The following ARHGAP6 variants were observed in gnomAD, a reference collection of about 807,000 sequenced individuals.
The protein encoded by ARHGAP6 is Rho GTPase activating protein 6.
A neutral mutation model predicts 55.7 loss-of-function variants in ARHGAP6; 16 were observed. That is an observed-to-expected ratio of 0.29 (90% CI 0.19 to 0.44). The LOEUF (loss-of-function observed/expected upper bound fraction) is 0.44. ARHGAP6 is among the 20% of genes least tolerant of loss of function. ARHGAP6 has a pLI of 1.00. For synonymous variants in ARHGAP6, 382 were observed against 360.9 expected (o/e 1.06, Z -0.66); for missense variants, 698 against 808.9 (o/e 0.86, Z 1.66).
At chrX:11,412,765 T>C (rs1417060781) in intron 1 of ARHGAP6, among the ~76,000 whole-genome samples, 2 of 112,393 alleles carry the variant, frequency 1.8e-5, no homozygotes, top group Non-Finnish European at 3.8e-5. Context: ...TATGCATATA[T>C]CATAGTTCTC....
intron 1 of ARHGAP6, among the ~76,000 whole-genome samples, chrX:11,437,585 T>C (rs1242839363): frequency 9.0e-6 from 1 of 111,438 alleles, no homozygotes; most frequent in Non-Finnish European, 1.9e-5. Flanking sequence ...CAAGTAAGGG[T>C]GTGATTTCTA....
At chrX:11,546,671 C>T (rs1408323334) in intron 1 of ARHGAP6, among the ~76,000 whole-genome samples, 2 of 111,943 alleles carry the variant, frequency 1.8e-5, no homozygotes, top group Admixed American at 1.9e-4. Flanking sequence ...AGCTTTCAAA[C>T]TCCTCTAACA....
chrX:11,177,370 CGG>C (rs149420907), intron 8 of ARHGAP6, among the ~76,000 whole-genome samples: 628 of 44,267 alleles, frequency 0.014, 4 homozygotes, highest in African/African-American at 0.037. Context: ...ATTTGGTGGG[CGG>C]GGGGGGGGCA....
chrX:11,168,527 G>A (rs1239780178), intron 9 of ARHGAP6, among the ~76,000 whole-genome samples: 5 of 111,986 alleles, frequency 4.5e-5, no homozygotes, highest in Admixed American at 3.8e-4. Flanking sequence ...AAAGTAATTA[G>A]TATAAGACAA....
chrX:11,244,853 G>C (rs2047332175), intron 2 of ARHGAP6, among the ~76,000 whole-genome samples: 2 of 112,089 alleles, frequency 1.8e-5, no homozygotes, highest in Admixed American at 1.9e-4. Flanking sequence ...GACCAGTTGA[G>C]ACAAGACCTT....
intron 1 of ARHGAP6, among the ~76,000 whole-genome samples, chrX:11,525,609 T>C (rs1201053179): frequency 2.7e-5 from 3 of 112,088 alleles, no homozygotes; most frequent in African/African-American, 9.7e-5. Context: ...AGTGAATACA[T>C]TGTTCTGCTT....
intron 1 of ARHGAP6, chrX:11,335,673 TG>T: frequency 3.3e-6 from 1 of 301,348 alleles, no homozygotes. Context: ...AAATTTTTTA[TG>T]GTAATCTAAC....
intron 2 of ARHGAP6, among the ~76,000 whole-genome samples, chrX:11,214,309 A>G (rs944162310): frequency 5.4e-5 from 6 of 110,990 alleles, no homozygotes; most frequent in African/African-American, 3.3e-5. Context: ...ATACATATAT[A>G]TATTTTTACC....
intron 1 of ARHGAP6, among the ~76,000 whole-genome samples, chrX:11,505,353 A>G (rs936485258): frequency 4.5e-5 from 5 of 111,584 alleles, no homozygotes; most frequent in African/African-American, 1.6e-4. Flanking sequence ...ATGAGATACC[A>G]TCGCACATCA....
chrX:11,538,515 CTCTTT>C (rs1317184443), intron 1 of ARHGAP6, among the ~76,000 whole-genome samples: 8 of 111,501 alleles, frequency 7.2e-5, no homozygotes, highest in African/African-American at 2.0e-4. Context: ...CCCAGAATGG[CTCTTT>C]TCTTTATGCA....
chrX:11,638,967 A>T (rs1255771713), intron 1 of ARHGAP6, among the ~76,000 whole-genome samples: 1 of 111,261 alleles, frequency 9.0e-6, no homozygotes, highest in Admixed American at 9.6e-5. Context: ...TTTATAATTT[A>T]GCTAATCTGA....
chrX:11,658,477 G>A (rs1249912597), intron 1 of ARHGAP6, among the ~76,000 whole-genome samples: 1 of 110,424 alleles, frequency 9.1e-6, no homozygotes, highest in Admixed American at 9.7e-5. Context: ...ATTTCTTTTT[G>A]AAGCTGTCTT....
chrX:11,660,352 G>A (rs749875000), intron 1 of ARHGAP6, among the ~76,000 whole-genome samples: 1 of 108,114 alleles, frequency 9.2e-6, no homozygotes, highest in African/African-American at 3.4e-5. Flanking sequence ...CTTGAGGCCA[G>A]GAGTTCAAGA....
In ARHGAP6 at chrX:11,651,181, T is replaced by C. The variant is rs780711096; in HGVS notation, c.588+13060A>G. Among the ~76,000 whole-genome samples, 7 of 111,732 alleles carry C rather than the reference T, an allele frequency of 6.3e-5. No homozygotes were observed. In the East Asian group the frequency reaches 2.0e-3, roughly 31 times the overall value. On this transcript the variant is annotated intron_variant, in intron 1 of 12. Coordinates refer to ENST00000337414, the MANE Select transcript of ARHGAP6 (RefSeq NM_013427.3). ...GTTTGGGGTACATGTGCAAGTTTGT[T>C]ACATGGGTAAACTTGTGTCACGGGG...
intron 1 of ARHGAP6, among the ~76,000 whole-genome samples, chrX:11,595,422 A>G (rs5935120): frequency 0.012 from 1,354 of 111,915 alleles, 19 homozygotes; most frequent in Middle Eastern, 0.059. Context: ...TACAAAAACC[A>G]ACTCAAGATG....
At chrX:11,440,605 G>A (rs929742473) in intron 1 of ARHGAP6, among the ~76,000 whole-genome samples, 1 of 111,763 alleles carries the variant, frequency 8.9e-6, no homozygotes, top group Non-Finnish European at 1.9e-5. Context: ...CCTCCAATAG[G>A]AGCTTTGCTA....
intron 1 of ARHGAP6, among the ~76,000 whole-genome samples, chrX:11,377,273 C>T (rs1245207815): frequency 8.9e-6 from 1 of 112,226 alleles, no homozygotes; most frequent in Admixed American, 9.4e-5. Context: ...AACACAGAAA[C>T]GTGATGCTAA....
intron 8 of ARHGAP6, among the ~76,000 whole-genome samples, chrX:11,174,592 T>TTCTTTCTTTCTTTCTTTCTTTCTTTC (rs1555964732): frequency 7.1e-4 from 48 of 67,409 alleles, no homozygotes; most frequent in South Asian, 1.7e-3. Flanking sequence ...CTTTCTTTCT[T>TTCTTTCTTTCTTTCTTTCTTTCTTTC]TTTCTTTCTT....
At chrX:11,330,922 T>C (rs927801339) in intron 1 of ARHGAP6, among the ~76,000 whole-genome samples, 9 of 111,721 alleles carry the variant, frequency 8.1e-5, no homozygotes, top group Non-Finnish European at 1.3e-4. Context: ...AGAAGAATTT[T>C]GTTGGGGCTC....
Sources: allele counts gnomAD v4.1 joint callset (sites outside exome capture counted in the v4.1 genomes callset), GRCh38; gene constraint gnomAD v4.1.1; transcripts MANE v1.5; gene names NCBI Gene and HGNC (gene_info 2026-07-23, HGNC 2026-07-21).